The following FOXP1 variants were observed in gnomAD, a reference collection of about 807,000 sequenced individuals.
The protein encoded by FOXP1 is forkhead box protein P1.
A neutral mutation model predicts 98.2 loss-of-function variants in FOXP1; 15 were observed. The observed-to-expected ratio is 0.15, with a 90% confidence interval of 0.10 to 0.24. FOXP1 has a LOEUF of 0.24. Among genes scored for constraint, FOXP1 ranks in the 10% least tolerant of loss-of-function variants. The pLI is 1.00. For synonymous variants in FOXP1, 371 were observed against 314.5 expected (o/e 1.18, Z -1.90); for missense variants, 633 against 848.5 (o/e 0.75, Z 3.15).
chr3:71,391,807 G>A (rs2081056070), intron 3 of FOXP1, among the ~76,000 whole-genome samples: 1 of 152,214 alleles, frequency 6.6e-6, no homozygotes, highest in Admixed American at 6.5e-5. Flanking sequence ...CTATATCTGT[G>A]AGAACAGCTG....
At chr3:71,292,478 G>C (rs1170401671) in intron 5 of FOXP1, 2 of 152,174 alleles carry the variant, frequency 1.3e-5, no homozygotes, top group Non-Finnish European at 2.9e-5. Context: ...GGGACTACAG[G>C]TGTGCACCAC....
intron 2 of FOXP1, among the ~76,000 whole-genome samples, chr3:71,550,118 C>T (rs2045663206): frequency 6.6e-6 from 1 of 152,148 alleles, no homozygotes; most frequent in Non-Finnish European, 1.5e-5. Context: ...CCAGCCCTAA[C>T]ACAGTTTATT....
At chr3:71,536,577 T>A in intron 2 of FOXP1, among the ~76,000 whole-genome samples, 1 of 149,668 alleles carries the variant, frequency 6.7e-6, no homozygotes. Flanking sequence ...ATGTCTCTTT[T>A]TTTTTTTTTT....
chr3:70,990,659 A>G (rs2040460890), intron 13 of FOXP1, among the ~76,000 whole-genome samples: 2 of 152,240 alleles, frequency 1.3e-5, no homozygotes, highest in African/African-American at 4.8e-5. Context: ...TTGTGTTGAA[A>G]TATCAGAGAA....
At chr3:71,205,912 C>G (rs2064001641) in intron 5 of FOXP1, among the ~76,000 whole-genome samples, 1 of 152,156 alleles carries the variant, frequency 6.6e-6, no homozygotes, top group Admixed American at 6.5e-5. Flanking sequence ...CGGCAGCTTT[C>G]TTGCCTTCAA....
chr3:71,005,341 A>AAC (rs869118655), intron 12 of FOXP1, among the ~76,000 whole-genome samples: 9 of 147,246 alleles, frequency 6.1e-5, no homozygotes, highest in South Asian at 2.1e-4. Context: ...AAAAAAAAAA[A>AAC]CCAGAATCAT....
intron 2 of FOXP1, among the ~76,000 whole-genome samples, chr3:71,501,275 A>G (rs901524807): frequency 7.4e-6 from 1 of 134,468 alleles, no homozygotes; most frequent in African/African-American, 2.6e-5. Flanking sequence ...AAAAAAATCC[A>G]AACTCTGAAA....
At chr3:71,221,638 C>A (rs2065392522) in intron 5 of FOXP1, among the ~76,000 whole-genome samples, 1 of 152,190 alleles carries the variant, frequency 6.6e-6, no homozygotes. Flanking sequence ...CCGCCTCCCG[C>A]ATTTTAGTCT....
chr3:71,463,917 T>C (rs924682108), intron 3 of FOXP1, among the ~76,000 whole-genome samples: 1 of 152,048 alleles, frequency 6.6e-6, no homozygotes, highest in Non-Finnish European at 1.5e-5. Context: ...GATTGAGAGG[T>C]GGCATCAAAT....
chr3:71,120,855 C>T (rs978237536), intron 6 of FOXP1, among the ~76,000 whole-genome samples: 3 of 152,098 alleles, frequency 2.0e-5, no homozygotes, highest in Non-Finnish European at 2.9e-5. Context: ...TTAAGCTACA[C>T]GTAGGGTGGT....
intron 6 of FOXP1, among the ~76,000 whole-genome samples, chr3:71,126,515 A>AAAAAG (rs997764737): frequency 4.6e-5 from 7 of 151,348 alleles, no homozygotes; most frequent in African/African-American, 1.7e-4. Context: ...AAATAAAAAT[A>AAAAAG]AAAAGAAAAG....
chr3:71,018,903 T>C (rs1236187282), intron 11 of FOXP1, among the ~76,000 whole-genome samples: 1 of 152,188 alleles, frequency 6.6e-6, no homozygotes, highest in Non-Finnish European at 1.5e-5. Flanking sequence ...TATATGTATG[T>C]AGTAGAAAAA....
rs2107198620 is a variant in FOXP1, at chr3:70,972,611, T to C, written c.1596A>G (p.Ala532=). 1.9e-6 allele frequency: 3 copies of C among 1,614,202 alleles called. No homozygotes were observed. The highest frequency in any genetic ancestry group is 1.1e-5 in the South Asian group (1 of 91,090). ...CFVRVENVKG[A]VWTVDEVEFQ... is the part of the protein sequence containing the mutation. ...ATTCTACTTCATCCACTGTCCATAC[T>C]GCCCCTTTAACGTTTTCTACTCGCA... The change falls in exon 18 of 21, where the codon GCA becomes GCG. Residue 532 remains alanine (A), a synonymous_variant. Coordinates refer to ENST00000649528, the MANE Select transcript of FOXP1 (RefSeq NM_001349338.3).
intron 12 of FOXP1, 64 bp from the exon 13 acceptor site, chr3:71,001,123 C>T: frequency 7.6e-7 from 1 of 1,318,880 alleles, no homozygotes; most frequent in Admixed American, 1.7e-5. Context: ...TATAAGTTAC[C>T]AGGATGTTTA....
chr3:71,302,253 A>G (rs77516313), intron 4 of FOXP1, among the ~76,000 whole-genome samples: 2,865 of 152,316 alleles, frequency 0.019, 97 homozygotes, highest in African/African-American at 0.065. Flanking sequence ...AAATGTGTCA[A>G]TATAATAGAC....
chr3:71,553,498 T>C (rs1272708873), intron 2 of FOXP1, among the ~76,000 whole-genome samples: 1 of 152,202 alleles, frequency 6.6e-6, no homozygotes, highest in Non-Finnish European at 1.5e-5. Context: ...ATGTTCACTT[T>C]TTGAGCTCAC....
At chr3:70,990,113 T>C (rs2040379339) in intron 13 of FOXP1, among the ~76,000 whole-genome samples, 1 of 152,214 alleles carries the variant, frequency 6.6e-6, no homozygotes, top group African/African-American at 2.4e-5. Context: ...GAACCTCAAT[T>C]GTACCACCCT....
At chr3:71,195,917 T>G (rs766812567) in intron 6 of FOXP1, among the ~76,000 whole-genome samples, 7 of 152,274 alleles carry the variant, frequency 4.6e-5, no homozygotes, top group African/African-American at 7.2e-5. Flanking sequence ...ACTCTAGTCC[T>G]GTAGAAATAT....
At chr3:70,999,002 T>G (rs1197540230) in intron 13 of FOXP1, among the ~76,000 whole-genome samples, 1 of 152,228 alleles carries the variant, frequency 6.6e-6, no homozygotes, top group Non-Finnish European at 1.5e-5. Context: ...CATTAAGAAT[T>G]TAATGTTATC....
Sources: gnomAD v4.1 joint callset for allele counts (sites outside exome capture counted in the v4.1 genomes callset) on GRCh38, gnomAD v4.1.1 for gene constraint, MANE v1.5 for transcripts, NCBI Gene and HGNC (gene_info 2026-07-23, HGNC 2026-07-21) for gene names.